Variants in MED12L observed in about 807,000 individuals in gnomAD.
MED12L encodes the protein mediator complex subunit 12L.
MED12L carries 60 observed loss-of-function variants against 281.3 expected under a neutral mutation model. That is an observed-to-expected ratio of 0.21 (90% CI 0.17 to 0.26). MED12L has a LOEUF of 0.26. Among genes scored for constraint, MED12L ranks in the 10% least tolerant of loss-of-function variants. The pLI, the probability that MED12L is intolerant of heterozygous loss-of-function variation, is 1.00. For missense variants in MED12L, 2,146 were observed against 2,680.9 expected (o/e 0.80, Z 4.41); for synonymous variants, 974 against 987.2 (o/e 0.99, Z 0.25).
rs564573929 is a variant in MED12L at position 151,312,070 on chromosome 3, T to C, written c.2251-37989T>C. ...AACAACAACACAAAAACAATTGATT[T>C]TGCAGTTTTTCCCAATTTGTCTTGG... On this transcript the variant is annotated intron_variant, in intron 16 of 44. Transcript: ENST00000687756. Among the ~76,000 whole-genome samples, 3 of 152,124 alleles carry C rather than the reference T, an allele frequency of 2.0e-5. No homozygotes were observed. The South Asian group carries it at 6.2e-4, about 31-fold the overall frequency.
chr3:151,430,392 T>TG lies in MED12L; in HGVS notation c.6490+13dup, dbSNP rs1560156398. 3.1e-6 allele frequency: 5 copies of TG among 1,613,794 alleles called. No individual in the cohort carries two copies. Among genetic ancestry groups the TG allele is most frequent in the Non-Finnish European group, 4.2e-6 (5 of 1,179,806 alleles). ...GAAGCAGCTTTCCAGTAAGTACCCC[T>TG]GTGTGTCATGGAACAGACAGCTCCC... On this transcript the variant is annotated intron_variant, in intron 44 of 44. Transcript: ENST00000687756.
At chr3:151,160,460 G>C (rs1342841813) in intron 8 of MED12L, among the ~76,000 whole-genome samples, 1 of 152,264 alleles carries the variant, frequency 6.6e-6, no homozygotes, top group East Asian at 1.9e-4. Flanking sequence ...ATCTTGGGTT[G>C]GTTGCCTGTC....
Position 151,265,476 on chromosome 3 carries a change from T to C in MED12L, c.2250+71810T>C, listed in dbSNP as rs1257463431. Among the ~76,000 whole-genome samples, 5 of 152,288 alleles carry C rather than the reference T, an allele frequency of 3.3e-5. No individual in the cohort carries two copies. The South Asian group carries it at 8.3e-4, about 25-fold the overall frequency. ...TTTGTGTCTTACACCATGAGAGCCT[T>C]TTCGAGTCTTTATTCTCAACTGCCC... On this transcript the variant is annotated intron_variant, in intron 16 of 44. Coordinates refer to ENST00000687756, the MANE Select transcript of MED12L (RefSeq NM_001393769.1).
rs1239928553 is a variant in MED12L, at chr3:151,388,069, A to T, written c.5348A>T (p.Glu1783Val). The T allele has an allele frequency of 6.2e-7, 1 of 1,614,070 alleles. No individual in the cohort carries two copies. The highest frequency in any genetic ancestry group is 1.7e-5 in the Admixed American group (1 of 60,014). The change falls in exon 37 of 45, where the codon GAA becomes GTA. Residue 1783 changes from glutamate (E) to valine (V), a missense_variant. Glu to Val is a moderately radical substitution (Grantham distance 121). Around this residue, in one of 9 missense-constraint regions of MED12L, gnomAD observed 496 missense variants for 512.0 expected, o/e 0.97. Coordinates refer to ENST00000687756, the MANE Select transcript of MED12L (RefSeq NM_001393769.1). The part of the protein sequence containing the change: ...EPTSPVSQEP[E>V]RKSAELSDQG... ...ACATCTCCAGTTTCTCAGGAACCAG[A>T]AAGGAAGTCCGCTGAGCTGTCAGAT... is the stretch of plus-strand genomic sequence containing the variant.
At chr3:151,140,669 T>C in intron 5 of MED12L, among the ~76,000 whole-genome samples, 1 of 133,924 alleles carries the variant, frequency 7.5e-6, no homozygotes, top group South Asian at 2.2e-4. Context: ...TGATAGTTTT[T>C]GAATTTATTT....
At position 151,413,227 on chromosome 3, in the gene MED12L, G is replaced by A. The variant is rs770385900; in HGVS notation, c.6229G>A (p.Val2077Met). 2.5e-5 allele frequency: 41 copies of A among 1,613,968 alleles called. No individual in the cohort carries two copies. The East Asian group carries it at 3.6e-4, about 14-fold the overall frequency. The change falls in exon 42 of 45, where the codon GTG (valine) becomes ATG (methionine). Residue 2077 changes from valine to methionine, a missense_variant. Physicochemically the swap from Val to Met is conservative, Grantham distance 21. This residue lies in a region of MED12L where 496 missense variants were observed against 512.0 expected (regional missense o/e 0.97). Transcript: ENST00000687756. Reference sequence around the variant, plus strand: ...TTCTGCACATCCAAACCTTCCCTCCGTGCCCCTGCCTCAGGATCCCATGAG... The same window carrying A: ...TTCTGCACATCCAAACCTTCCCTCCATGCCCCTGCCTCAGGATCCCATGAG... The part of the protein sequence containing the change: ...LTSAHPNLPS[V>M]PLPQDPMRPR...
chr3:151,360,466 C>A lies in MED12L; in HGVS notation c.2826-8C>A. The A allele has an allele frequency of 6.2e-7, 1 of 1,608,838 alleles. No homozygotes were observed. The highest frequency in any genetic ancestry group is 8.5e-7 in the Non-Finnish European group (1 of 1,177,640). ...ATGTCTTATTTCTTCGTATATTTTTCTCCTCAGGTTGTGTGGTGTGGTCAA... is the reference window on the plus strand; with the variant it reads ...ATGTCTTATTTCTTCGTATATTTTTATCCTCAGGTTGTGTGGTGTGGTCAA... On this transcript the variant is annotated splice_polypyrimidine_tract_variant and splice_region_variant and intron_variant, in intron 20 of 44. Coordinates refer to ENST00000687756, the MANE Select transcript of MED12L (RefSeq NM_001393769.1).
chr3:151,204,552 G>A (rs1726095545), intron 16 of MED12L, among the ~76,000 whole-genome samples: 1 of 152,178 alleles, frequency 6.6e-6, no homozygotes, highest in African/African-American at 2.4e-5. Context: ...TCATCATAGT[G>A]CTAGGAAAGG....
intron 30 of MED12L, among the ~76,000 whole-genome samples, chr3:151,377,739 TAGAG>T (rs1413933317): frequency 6.6e-6 from 1 of 152,186 alleles, no homozygotes; most frequent in African/African-American, 2.4e-5. Flanking sequence ...TGTTTTTAAT[TAGAG>T]AGAGGGGGTC....
At chr3:151,165,796 A>G in intron 10 of MED12L, 50 bp from the exon 11 acceptor site, 1 of 1,576,878 alleles carries the variant, frequency 6.3e-7, no homozygotes, top group Non-Finnish European at 8.7e-7. Flanking sequence ...CTGTGTTATA[A>G]CTGTGTTATT....
intron 16 of MED12L, among the ~76,000 whole-genome samples, chr3:151,206,640 A>ATTTTTTTTTTTTTTTT (rs1216609130): frequency 6.2e-5 from 1 of 16,004 alleles, no homozygotes; most frequent in African/African-American, 2.6e-4. Flanking sequence ...CTAACACATT[A>ATTTTTTTTTTTTTTTT]TCTTTTTTTT....
In MED12L at chr3:151,128,147, G is replaced by C. The variant is rs148886131; in HGVS notation, c.556+163G>C. 3.4e-3 allele frequency among the ~76,000 whole-genome samples: 520 copies of C among 152,244 alleles called. 1 individual carries two copies. The highest frequency in any genetic ancestry group is 5.9e-3 in the Non-Finnish European group (402 of 68,018). ...AGGGCAGCTGTTCCTAGTTCACTCA[G>C]TCTCAGAATCCTGACTCCATTAGCA... On this transcript the variant is annotated intron_variant, in intron 5 of 44. Coordinates refer to ENST00000687756, the MANE Select transcript of MED12L (RefSeq NM_001393769.1).
Position 151,350,237 on chromosome 3 carries a change from G to T in MED12L, c.2398+31G>T, listed in dbSNP as rs780539753. On this transcript the variant is annotated intron_variant, in intron 17 of 44. Transcript: ENST00000687756. ...GAACCTTAATGCATTTGCTCCCATTGTGTTGCCTTTTGCCTTCCCTCTGAG... is the reference window on the plus strand; with the variant it reads ...GAACCTTAATGCATTTGCTCCCATTTTGTTGCCTTTTGCCTTCCCTCTGAG... 36 of 1,605,390 alleles carry T rather than the reference G, an allele frequency of 2.2e-5. No homozygotes were observed. The Admixed American group carries it at 2.9e-4, about 13-fold the overall frequency.
chr3:151,393,080 T>A lies in MED12L; in HGVS notation c.5609-1576T>A, dbSNP rs545371229. Among the ~76,000 whole-genome samples the A allele has an allele frequency of 1.4e-3, 209 of 152,334 alleles. 1 individual carries two copies. Among genetic ancestry groups the A allele is most frequent in the Non-Finnish European group, 2.2e-3 (147 of 68,014 alleles). On this transcript the variant is annotated intron_variant, in intron 38 of 44. Coordinates refer to ENST00000687756, the MANE Select transcript of MED12L (RefSeq NM_001393769.1). ...TGCTCTTCAAATGCTGCTGAATGAC[T>A]TTGTAAATAGAAGAAGATGGCTGAG...
intron 16 of MED12L, among the ~76,000 whole-genome samples, chr3:151,310,666 A>T (rs1430201532): frequency 6.6e-6 from 1 of 152,190 alleles, no homozygotes; most frequent in African/African-American, 2.4e-5. Context: ...CTAATTTCTC[A>T]TATGGTTTTT....
At chr3:151,296,964 A>C (rs1745185668) in intron 16 of MED12L, among the ~76,000 whole-genome samples, 1 of 152,188 alleles carries the variant, frequency 6.6e-6, no homozygotes, top group Non-Finnish European at 1.5e-5. Context: ...TTTGATGATT[A>C]AAATCCAAAA....
At chr3:151,395,765 C>A in intron 39 of MED12L, among the ~76,000 whole-genome samples, 1 of 152,200 alleles carries the variant, frequency 6.6e-6, no homozygotes. Context: ...ATGGAAATAG[C>A]GAATCTACAG....
intron 11 of MED12L, among the ~76,000 whole-genome samples, chr3:151,180,626 A>C (rs1422429791): frequency 6.6e-6 from 1 of 152,226 alleles, no homozygotes; most frequent in African/African-American, 2.4e-5. Context: ...GGATGTGTTC[A>C]AAAGAACTCT....
intron 2 of MED12L, among the ~76,000 whole-genome samples, chr3:151,101,447 T>C (rs11713719): frequency 0.02 from 3,100 of 152,036 alleles, 115 homozygotes; most frequent in East Asian, 0.18. Flanking sequence ...AGTGATGGAG[T>C]TGGACTCTCT....
Sources: gnomAD v4.1 joint callset for allele counts (sites outside exome capture counted in the v4.1 genomes callset) on GRCh38, gnomAD v4.1.1 for gene constraint, gnomAD v4.1.1 regional missense constraint, MANE v1.5 for transcripts, NCBI Gene and HGNC (gene_info 2026-07-23, HGNC 2026-07-21) for gene names.